PRKN: variants seen among roughly 807,000 people sequenced by gnomAD.
PRKN encodes the protein E3 ubiquitin-protein ligase parkin.
In PRKN, 56 loss-of-function variants were observed where a neutral mutation model predicts 59.5. That is an observed-to-expected ratio of 0.94 (90% CI 0.76 to 1.18). PRKN has a LOEUF of 1.18. Ranked by LOEUF, PRKN falls within the 50% of genes most tolerant of loss-of-function variation. The probability of loss-of-function intolerance (pLI) is 0.00; values close to 1 mark genes in which losing one functional copy is unlikely to be tolerated. For synonymous variants in PRKN, 250 were observed against 222.1 expected, an observed-to-expected ratio of 1.13 and a Z score of -1.12; for missense variants, 657 against 596.4, an observed-to-expected ratio of 1.10 and a Z score of -1.06.
intron 2 of PRKN, among the ~76,000 whole-genome samples, chr6:162,431,566 C>A (rs931504490): frequency 6.6e-6 from 1 of 151,180 alleles, no homozygotes; most frequent in Non-Finnish European, 1.5e-5. Context: ...TCAAAAAAAA[C>A]AAAACAAAAC....
intron 1 of PRKN, among the ~76,000 whole-genome samples, chr6:162,710,520 T>C (rs1488764506): frequency 1.3e-5 from 2 of 151,936 alleles, no homozygotes; most frequent in South Asian, 2.1e-4. Context: ...ACTAATGGGG[T>C]TTAGTGCTTC....
In PRKN at chr6:161,529,331, GC is replaced by G. The variant is rs34567972; in HGVS notation, c.1083+19522del. Among the ~76,000 whole-genome samples, 985 of 152,300 alleles carry G rather than the reference GC, an allele frequency of 6.5e-3. 12 individuals carry two copies. Among genetic ancestry groups the G allele is most frequent in the African/African-American group, 0.022 (919 of 41,570 alleles). On this transcript the variant is annotated intron_variant, in intron 9 of 11. Coordinates refer to ENST00000366898, the MANE Select transcript of PRKN (RefSeq NM_004562.3). This position sits in a 1 kb window ranked among gnomAD's most constrained non-coding sequence, Gnocchi z 4.4. ...TGTCCCTCCAGCTGCCTCACCTGGGGCCGCAGTAAGCACCAAGTTCACAGGC... is the reference window on the plus strand; with the variant it reads ...TGTCCCTCCAGCTGCCTCACCTGGGGCGCAGTAAGCACCAAGTTCACAGGC...
intron 4 of PRKN, among the ~76,000 whole-genome samples, chr6:162,146,275 T>C (rs1028843751): frequency 6.6e-6 from 1 of 152,118 alleles, no homozygotes; most frequent in Non-Finnish European, 1.5e-5. Flanking sequence ...GTTATCCAAC[T>C]CCAAAGCCTC....
intron 1 of PRKN, among the ~76,000 whole-genome samples, chr6:162,450,597 C>T (rs1458282160): frequency 6.6e-6 from 1 of 152,190 alleles, no homozygotes; most frequent in Non-Finnish European, 1.5e-5. Flanking sequence ...CAATTTATCT[C>T]TGTGGGCTTT....
Position 161,451,887 on chromosome 6 carries a change from A to G in PRKN, c.1084-65010T>C, listed in dbSNP as rs1268739559. On this transcript the variant is annotated intron_variant, in intron 9 of 11. Coordinates refer to ENST00000366898, the MANE Select transcript of PRKN (RefSeq NM_004562.3). The surrounding 1 kb of genome is among the most constrained non-coding windows in gnomAD (Gnocchi z 5.9). ...ATGGTGTCACCTTTAAACGTTGTAAACTACATTTATAAATTTAAGACATTC... is the reference window on the plus strand; with the variant it reads ...ATGGTGTCACCTTTAAACGTTGTAAGCTACATTTATAAATTTAAGACATTC... Among the ~76,000 whole-genome samples the G allele has an allele frequency of 2.0e-5, 3 of 151,796 alleles. No individual in the cohort carries two copies. The highest frequency in any genetic ancestry group is 4.4e-5 in the Non-Finnish European group (3 of 67,896).
intron 5 of PRKN, among the ~76,000 whole-genome samples, chr6:161,974,984 T>A (rs1373045930): frequency 6.6e-6 from 1 of 152,180 alleles, no homozygotes; most frequent in Non-Finnish European, 1.5e-5. Flanking sequence ...TGTGGCAAGT[T>A]GGATTTTTCC....
intron 6 of PRKN, among the ~76,000 whole-genome samples, chr6:161,866,264 G>A (rs7767380): frequency 0.032 from 4,717 of 147,034 alleles, 243 homozygotes; most frequent in African/African-American, 0.12. Flanking sequence ...TAATGAAAAA[G>A]TTAAATATTG....
intron 9 of PRKN, among the ~76,000 whole-genome samples, chr6:161,472,217 A>C (rs1790827421): frequency 6.6e-6 from 1 of 152,220 alleles, no homozygotes; most frequent in East Asian, 1.9e-4. Flanking sequence ...ATATAAAGAA[A>C]AACGTTGTAA....
intron 7 of PRKN, among the ~76,000 whole-genome samples, chr6:161,757,933 G>GTGTATATATATATA (rs1554301354): frequency 6.9e-5 from 7 of 101,432 alleles, no homozygotes; most frequent in Non-Finnish European, 1.4e-4. Context: ...CTCTCTCTCT[G>GTGTATATATATATA]TATATATATG....
intron 2 of PRKN, among the ~76,000 whole-genome samples, chr6:162,414,476 G>A (rs1220047419): frequency 2.0e-5 from 3 of 151,674 alleles, no homozygotes; most frequent in Non-Finnish European, 4.4e-5. Context: ...GGGAGGCCAA[G>A]GCGGCTGGAT....
At chr6:162,363,075 C>T (rs1212136262) in intron 2 of PRKN, among the ~76,000 whole-genome samples, 1 of 147,822 alleles carries the variant, frequency 6.8e-6, no homozygotes, top group African/African-American at 2.5e-5. Flanking sequence ...TTGCAGTGAG[C>T]CAAGATCACA....
intron 7 of PRKN, among the ~76,000 whole-genome samples, chr6:161,596,453 A>G (rs1330265859): frequency 6.6e-6 from 1 of 152,148 alleles, no homozygotes; most frequent in Non-Finnish European, 1.5e-5. Context: ...TCTTCACAAT[A>G]TGTATGTTTT....
In PRKN at chr6:162,603,835, G is replaced by A. The variant is rs371162014; in HGVS notation, c.7+123827C>T. Reference sequence around the variant, plus strand: ...GTCACATTTCTGAAAGGGATCCTGCGGAAGCTGATTAAACTGTTAGAAAAC... The same window carrying A: ...GTCACATTTCTGAAAGGGATCCTGCAGAAGCTGATTAAACTGTTAGAAAAC... On this transcript the variant is annotated intron_variant, in intron 1 of 11. Transcript: ENST00000366898. Among the ~76,000 whole-genome samples, 6 of 152,058 alleles carry A rather than the reference G, an allele frequency of 3.9e-5. No homozygotes were observed. In the East Asian group the frequency reaches 7.7e-4, roughly 20 times the overall value.
At chr6:161,989,709 G>T (rs779001698) in intron 5 of PRKN, among the ~76,000 whole-genome samples, 1 of 152,112 alleles carries the variant, frequency 6.6e-6, no homozygotes, top group Non-Finnish European at 1.5e-5. Context: ...GAGACCTGGG[G>T]ATTGATCTGC....
intron 9 of PRKN, among the ~76,000 whole-genome samples, chr6:161,437,043 A>G (rs1788944855): frequency 6.6e-6 from 1 of 152,124 alleles, no homozygotes; most frequent in South Asian, 2.1e-4. Flanking sequence ...GTATGCTGAA[A>G]TCACGGGTAG....
At chr6:161,982,175 G>A (rs1459819622) in intron 5 of PRKN, among the ~76,000 whole-genome samples, 3 of 152,168 alleles carry the variant, frequency 2.0e-5, no homozygotes, top group African/African-American at 7.2e-5. Flanking sequence ...GAGCAAAAGG[G>A]AGATTGTTAA....
intron 3 of PRKN, among the ~76,000 whole-genome samples, chr6:162,257,009 G>C (rs995107531): frequency 1.3e-5 from 2 of 152,166 alleles, no homozygotes; most frequent in South Asian, 4.1e-4. Flanking sequence ...TTCCCACAGA[G>C]GCATGAACCC....
chr6:162,335,593 T>C (rs1783807368), intron 2 of PRKN, among the ~76,000 whole-genome samples: 1 of 152,160 alleles, frequency 6.6e-6, no homozygotes, highest in South Asian at 2.1e-4. Context: ...AAGCAATATG[T>C]TTATGCCAAC....
chr6:162,525,609 C>T lies in PRKN; in HGVS notation c.8-82136G>A, dbSNP rs1018042542. Among the ~76,000 whole-genome samples, 46 of 152,174 alleles carry T rather than the reference C, an allele frequency of 3.0e-4. 1 individual carries two copies. Among genetic ancestry groups the T allele is most frequent in the African/African-American group, 3.4e-4 (14 of 41,446 alleles). The stretch of plus-strand genomic sequence containing the variant: ...CACTTATGGCCAATACACTATTTAA[C>T]GACTGTGTGTTCTCTTCCTTCCTTA... On this transcript the variant is annotated intron_variant, in intron 1 of 11. Coordinates refer to ENST00000366898, the MANE Select transcript of PRKN (RefSeq NM_004562.3).
Sources: gnomAD v4.1 joint callset for allele counts (sites outside exome capture counted in the v4.1 genomes callset) on GRCh38, gnomAD v4.1.1 for gene constraint, Gnocchi (gnomAD v3.1) non-coding constraint, MANE v1.5 for transcripts, NCBI Gene and HGNC (gene_info 2026-07-23, HGNC 2026-07-21) for gene names.